HDGFL3: variants seen among roughly 807,000 people sequenced by gnomAD.
HDGFL3 encodes HDGF like 3.
Under a neutral mutation model 27.6 loss-of-function variants are expected in HDGFL3, and 6 were observed. That is an observed-to-expected ratio of 0.22 (90% CI 0.12 to 0.43). The LOEUF is 0.43. Among genes scored for constraint, HDGFL3 ranks in the 20% least tolerant of loss-of-function variants. HDGFL3 has a pLI of 1.00. For synonymous variants in HDGFL3, 88 were observed against 88.9 expected, an observed-to-expected ratio of 0.99 and a Z score of 0.05; for missense variants, 207 against 250.1, an observed-to-expected ratio of 0.83 and a Z score of 1.16.
exon 4 of HDGFL3, chr15:83,114,444 A>AT (rs1430058815): frequency 6.6e-6 from 1 of 152,304 alleles, no homozygotes; most frequent in East Asian, 1.9e-4. Flanking sequence ...TTGGAGACAT[A>AT]TGATGGCTAA....
intron 1 of HDGFL3, among the ~76,000 whole-genome samples, chr15:83,174,907 G>C (rs2037290526): frequency 6.6e-6 from 1 of 152,166 alleles, no homozygotes; most frequent in African/African-American, 2.4e-5. Flanking sequence ...TTTACAGCCT[G>C]AAGATATGTT....
chr15:83,205,761 A>AT (rs1382755818), intron 1 of HDGFL3, among the ~76,000 whole-genome samples: 53 of 152,242 alleles, frequency 3.5e-4, no homozygotes, highest in East Asian at 3.9e-4. Context: ...AGATTCGGGG[A>AT]TTTTCTGAAG....
chr15:83,205,986 G>C (rs111472646), intron 1 of HDGFL3, among the ~76,000 whole-genome samples: 2 of 152,200 alleles, frequency 1.3e-5, no homozygotes, highest in African/African-American at 4.8e-5. Flanking sequence ...GTGTTGGAAA[G>C]GATCCTAGAG....
At chr15:83,184,965 T>C (rs1444197338) in intron 1 of HDGFL3, 1 of 152,206 alleles carries the variant, frequency 6.6e-6, no homozygotes, top group African/African-American at 2.4e-5. Context: ...AGTTGGAGGT[T>C]ATTAGGAGAT....
At chr15:83,203,329 G>T (rs1246554864) in intron 1 of HDGFL3, among the ~76,000 whole-genome samples, 3 of 151,990 alleles carry the variant, frequency 2.0e-5, no homozygotes, top group Non-Finnish European at 4.4e-5. Context: ...AATTTTACTA[G>T]TATTTTATAT....
intron 1 of HDGFL3, among the ~76,000 whole-genome samples, chr15:83,165,552 C>T (rs867025199): frequency 6.6e-6 from 1 of 152,126 alleles, no homozygotes; most frequent in African/African-American, 2.4e-5. Context: ...CTCTGAATTT[C>T]CCCCATTGTT....
chr15:83,121,769 C>A, intron 3 of HDGFL3: 2 of 617,462 alleles, frequency 3.2e-6, no homozygotes, highest in Admixed American at 3.4e-5. Flanking sequence ...ATAACCAGGG[C>A]TCCTTGTGTT....
At chr15:83,185,603 C>T (rs2037432848) in intron 1 of HDGFL3, among the ~76,000 whole-genome samples, 1 of 152,146 alleles carries the variant, frequency 6.6e-6, no homozygotes, top group Non-Finnish European at 1.5e-5. Context: ...TGAAAATATA[C>T]CATGAGATGT....
chr15:83,189,690 T>C (rs1463360286), intron 1 of HDGFL3, among the ~76,000 whole-genome samples: 1 of 152,176 alleles, frequency 6.6e-6, no homozygotes, highest in Non-Finnish European at 1.5e-5. Context: ...GATGTGTCCT[T>C]CTTGTTCACT....
chr15:83,138,952 G>A lies in HDGFL3; in HGVS notation c.*318C>T, dbSNP rs569151031. 10 of 207,396 alleles carry A rather than the reference G, an allele frequency of 4.8e-5. No individual in the cohort carries two copies. The Admixed American group carries it at 5.3e-4, about 11-fold the overall frequency. 12.8% of individuals were successfully genotyped at this position (207,396 alleles called of 1,614,324 possible). On this transcript the variant is annotated 3_prime_UTR_variant, in exon 6 of 6. Coordinates refer to ENST00000299633, the MANE Select transcript of HDGFL3 (RefSeq NM_016073.4). ...GATGGTGGGGTCAAGGCAGGAAAACGATGATCATAACTGCCTTGATAAAAG... is the reference window on the plus strand; with the variant it reads ...GATGGTGGGGTCAAGGCAGGAAAACAATGATCATAACTGCCTTGATAAAAG...
At chr15:83,113,918 TG>T (rs532195550) in exon 4 of HDGFL3, 31 of 152,376 alleles carry the variant, frequency 2.0e-4, no homozygotes, top group African/African-American at 7.5e-4. Flanking sequence ...CTGCCTACAG[TG>T]GGCCTTGGGA....
downstream of HDGFL3, chr15:83,126,973 A>G: frequency 1.4e-6 from 1 of 705,586 alleles, no homozygotes; most frequent in South Asian, 1.8e-5. Context: ...CAGGTTGATC[A>G]CGAGGTCAGG....
rs966338131 is a variant in HDGFL3, at chr15:83,128,364, T to C, written c.*10906A>G. ...ATTCTTAATTATAAAATTAGCATAG[T>C]AGTATCGAAAAAGTTGATGTAGCAT... On this transcript the variant is annotated 3_prime_UTR_variant, in exon 6 of 6. Transcript: ENST00000299633. 1 of 152,200 alleles carries C rather than the reference T, an allele frequency of 6.6e-6. No individual in the cohort carries two copies. Among genetic ancestry groups the C allele is most frequent in the East Asian group, 1.9e-4 (1 of 5,194 alleles). 9.4% of individuals were successfully genotyped at this position (152,200 alleles called of 1,614,324 possible). A position where few individuals can be genotyped will look rare whatever the true frequency, so the allele number is the denominator to read the frequency against.
At chr15:83,139,515 ACC>A (rs999121966) in intron 5 of HDGFL3, among the ~76,000 whole-genome samples, 7 of 152,148 alleles carry the variant, frequency 4.6e-5, no homozygotes, top group Non-Finnish European at 1.0e-4. Flanking sequence ...AAAATTATAA[ACC>A]TTGTCTACTG....
intron 1 of HDGFL3, among the ~76,000 whole-genome samples, chr15:83,176,141 CTG>C (rs1489185333): frequency 2.0e-5 from 3 of 152,272 alleles, no homozygotes; most frequent in Admixed American, 6.5e-5. Flanking sequence ...TATGTGTGTC[CTG>C]TGTTTTCTTT....
chr15:83,115,985 C>T (rs1753176874), intron 3 of HDGFL3: 2 of 1,437,026 alleles, frequency 1.4e-6, no homozygotes, highest in African/African-American at 1.4e-5. Flanking sequence ...ACCAAAAGGC[C>T]ACAACCCAGA....
At chr15:83,149,947 A>C (rs1391017733) in intron 5 of HDGFL3, among the ~76,000 whole-genome samples, 1 of 152,164 alleles carries the variant, frequency 6.6e-6, no homozygotes, top group African/African-American at 2.4e-5. Flanking sequence ...ATGACAATAG[A>C]AAGATGTAAA....
chr15:83,181,696 G>A (rs1319779719), intron 1 of HDGFL3, among the ~76,000 whole-genome samples: 1 of 152,120 alleles, frequency 6.6e-6, no homozygotes, highest in Non-Finnish European at 1.5e-5. Context: ...GGCTGGTCTT[G>A]AACGCCTGAC....
At chr15:83,123,215 G>A (rs868837540), downstream of HDGFL3, among the ~76,000 whole-genome samples, 7 of 152,240 alleles carry the variant, frequency 4.6e-5, no homozygotes, top group Middle Eastern at 3.4e-3. Flanking sequence ...TGGCCTGGAC[G>A]TTGAACACCT....
Sources: allele counts gnomAD v4.1 joint callset (sites outside exome capture counted in the v4.1 genomes callset), GRCh38; gene constraint gnomAD v4.1.1; transcripts MANE v1.5; gene names NCBI Gene and HGNC (gene_info 2026-07-23, HGNC 2026-07-21).